The following PTPN4 variants were observed in gnomAD, a reference collection of about 807,000 sequenced individuals.
PTPN4 encodes tyrosine-protein phosphatase non-receptor type 4.
PTPN4 carries 49 observed loss-of-function variants against 135.5 expected under a neutral mutation model. The ratio of observed to expected loss-of-function variants is 0.36; its 90% CI spans 0.29 to 0.46. The LOEUF is 0.46. Ranked by LOEUF, PTPN4 falls within the 20% of genes least tolerant of loss-of-function variation. PTPN4 has a pLI of 1.00. For missense variants in PTPN4, 860 were observed against 1,101.0 expected, an observed-to-expected ratio of 0.78 and a Z score of 3.10; for synonymous variants, 333 against 369.9, an observed-to-expected ratio of 0.90 and a Z score of 1.14.
intron 10 of PTPN4, among the ~76,000 whole-genome samples, chr2:119,910,724 A>G (rs1034922748): frequency 1.3e-5 from 2 of 152,020 alleles, no homozygotes; most frequent in East Asian, 1.9e-4. Context: ...CCCTGCTTGC[A>G]CTTCTCCTTC....
chr2:119,814,270 T>C (rs1366604949), intron 2 of PTPN4, among the ~76,000 whole-genome samples: 1 of 152,176 alleles, frequency 6.6e-6, no homozygotes, highest in Non-Finnish European at 1.5e-5. Context: ...GCAGGCTCTG[T>C]CTGTACAATA....
At chr2:119,894,160 T>G (rs1322806168) in intron 9 of PTPN4, among the ~76,000 whole-genome samples, 2 of 152,214 alleles carry the variant, frequency 1.3e-5, no homozygotes, top group Non-Finnish European at 2.9e-5. Flanking sequence ...ATTTCTGTAT[T>G]AAGAGCCAAT....
At position 119,787,832 on chromosome 2, in the gene PTPN4, C is replaced by T. The variant is rs1258751357; in HGVS notation, c.-17-22005C>T. 2.6e-5 allele frequency among the ~76,000 whole-genome samples: 4 copies of T among 152,236 alleles called. No homozygotes were observed. In the South Asian group the frequency reaches 8.3e-4, roughly 32 times the overall value. Reference sequence around the variant, plus strand: ...GGTTGAAAGCATCAGGTATGAGTCCCTAAGTTGGTGTGTATGTTTTCCACT... The same window carrying T: ...GGTTGAAAGCATCAGGTATGAGTCCTTAAGTTGGTGTGTATGTTTTCCACT... On this transcript the variant is annotated intron_variant, in intron 1 of 26. Transcript: ENST00000263708.
intron 1 of PTPN4, among the ~76,000 whole-genome samples, chr2:119,767,771 TGTC>T (rs1558719332): frequency 6.6e-6 from 1 of 152,244 alleles, no homozygotes; most frequent in Non-Finnish European, 1.5e-5. Context: ...ATAGAAATAA[TGTC>T]GTGATATTCT....
intron 1 of PTPN4, among the ~76,000 whole-genome samples, chr2:119,796,094 C>T (rs1047542694): frequency 9.0e-4 from 137 of 152,124 alleles, no homozygotes; most frequent in Admixed American, 5.2e-4. Context: ...CATGCGAGGG[C>T]AGGGGTGGCC....
In PTPN4 at chr2:119,967,808, A is replaced by G. The variant is rs769088583; in HGVS notation, c.2559-29A>G. ...AGTAGTTTAACAGAATAGTATCGGT[A>G]AGATCTTGCCTATATTTGTCTTTTT... On this transcript the variant is annotated intron_variant, in intron 25 of 26. Transcript: ENST00000263708. 1.2e-5 allele frequency: 19 copies of G among 1,547,048 alleles called. No individual in the cohort carries two copies. The Admixed American group carries it at 3.1e-4, about 25-fold the overall frequency.
intron 1 of PTPN4, among the ~76,000 whole-genome samples, chr2:119,782,847 A>G (rs535373031): frequency 3.2e-4 from 48 of 148,876 alleles, no homozygotes; most frequent in Non-Finnish European, 5.6e-4. Flanking sequence ...CTGAGACCAC[A>G]GGCATGTACC....
At chr2:119,947,259 GTC>G (rs1163368415) in intron 18 of PTPN4, among the ~76,000 whole-genome samples, 1 of 151,946 alleles carries the variant, frequency 6.6e-6, no homozygotes, top group Non-Finnish European at 1.5e-5. Flanking sequence ...TCATTTAACT[GTC>G]TCTCTGTTCT....
chr2:119,893,077 G>A (rs1300409735), intron 9 of PTPN4, among the ~76,000 whole-genome samples: 1 of 152,048 alleles, frequency 6.6e-6, no homozygotes, highest in East Asian at 1.9e-4. Context: ...AACCATTAGA[G>A]AGTTTTGAGG....
chr2:119,878,867 G>A (rs1447025104), intron 5 of PTPN4, among the ~76,000 whole-genome samples: 1 of 151,890 alleles, frequency 6.6e-6, no homozygotes, highest in Non-Finnish European at 1.5e-5. Context: ...GCCAAGGTGG[G>A]CGGATCACGA....
At chr2:119,899,491 G>C (rs1214001314) in intron 9 of PTPN4, among the ~76,000 whole-genome samples, 1 of 151,940 alleles carries the variant, frequency 6.6e-6, no homozygotes, top group Non-Finnish European at 1.5e-5. Context: ...ATATCTTTAA[G>C]GATTCCTCAA....
chr2:119,762,895 G>T (rs1431629598), intron 1 of PTPN4, among the ~76,000 whole-genome samples: 3 of 152,050 alleles, frequency 2.0e-5, no homozygotes, highest in Admixed American at 1.3e-4. Context: ...TGTTAAATTT[G>T]CCAGTTTACT....
intron 9 of PTPN4, among the ~76,000 whole-genome samples, chr2:119,891,164 T>G (rs1044760978): frequency 1.3e-5 from 2 of 152,202 alleles, no homozygotes; most frequent in Admixed American, 1.3e-4. Flanking sequence ...CTCATTCTTT[T>G]TTCATCTCTT....
chr2:119,844,048 G>A (rs868470408), intron 2 of PTPN4, among the ~76,000 whole-genome samples: 9 of 13,334 alleles, frequency 6.7e-4, no homozygotes, highest in Non-Finnish European at 1.0e-3. Flanking sequence ...CAGTAGGGGC[G>A]GCCGGGCAGA....
At chr2:119,951,692 C>T (rs1295819461) in intron 18 of PTPN4, among the ~76,000 whole-genome samples, 1 of 152,062 alleles carries the variant, frequency 6.6e-6, no homozygotes, top group East Asian at 1.9e-4. Flanking sequence ...CAGTGTAAAG[C>T]TAAAGCTACT....
chr2:119,817,120 T>G (rs557928602), intron 2 of PTPN4, among the ~76,000 whole-genome samples: 1 of 152,316 alleles, frequency 6.6e-6, no homozygotes, highest in South Asian at 2.1e-4. Flanking sequence ...GTCTTCGTCA[T>G]GAAATCTTTG....
intron 2 of PTPN4, among the ~76,000 whole-genome samples, chr2:119,812,502 G>C (rs914095413): frequency 3.9e-5 from 6 of 152,168 alleles, no homozygotes; most frequent in Admixed American, 3.9e-4. Context: ...TATTTTCTGA[G>C]GGAAATTTTT....
At position 119,978,216 on chromosome 2, in the gene PTPN4, A is replaced by G. The variant is rs1022444269; in HGVS notation, c.*1146A>G. The G allele has an allele frequency of 1.3e-5, 2 of 152,216 alleles. No individual in the cohort carries two copies. Among genetic ancestry groups the G allele is most frequent in the African/African-American group, 4.8e-5 (2 of 41,454 alleles). 9.4% of individuals were successfully genotyped at this position (152,216 alleles called of 1,614,324 possible). Reference sequence around the variant, plus strand: ...AGGAAGACATCTAACATGCAGATTAATGTTAAACATATTGATAATCTAAGC... The same window carrying G: ...AGGAAGACATCTAACATGCAGATTAGTGTTAAACATATTGATAATCTAAGC... On this transcript the variant is annotated 3_prime_UTR_variant, in exon 27 of 27. Coordinates refer to ENST00000263708, the MANE Select transcript of PTPN4 (RefSeq NM_002830.4).
Position 119,779,473 on chromosome 2 carries a change from C to T in PTPN4, c.-18+19089C>T, listed in dbSNP as rs533016239. 3.1e-3 allele frequency among the ~76,000 whole-genome samples: 475 copies of T among 152,116 alleles called. 1 individual carries two copies. Among genetic ancestry groups the T allele is most frequent in the African/African-American group, 0.011 (446 of 41,500 alleles). The stretch of plus-strand genomic sequence containing the variant: ...TCTACTAAAAATACAAAAAATTAGC[C>T]GGGCATAGTTGCAGGCACCTGTAGT... On this transcript the variant is annotated intron_variant, in intron 1 of 26. Coordinates refer to ENST00000263708, the MANE Select transcript of PTPN4 (RefSeq NM_002830.4).
Sources: allele counts gnomAD v4.1 joint callset (sites outside exome capture counted in the v4.1 genomes callset), GRCh38; gene constraint gnomAD v4.1.1; transcripts MANE v1.5; gene names NCBI Gene and HGNC (gene_info 2026-07-23, HGNC 2026-07-21).